The following SYNJ1 variants were observed in gnomAD, a reference collection of about 807,000 sequenced individuals.
The protein encoded by SYNJ1 is polyphosphatidylinositol phosphatase SYNJ1.
SYNJ1 carries 78 observed loss-of-function variants against 168.2 expected under a neutral mutation model. The ratio of observed to expected loss-of-function variants is 0.46; its 90% confidence interval spans 0.39 to 0.56. SYNJ1 has a LOEUF of 0.56. SYNJ1 is among the 20% of genes least tolerant of loss of function. SYNJ1 has a pLI of 0.00. For synonymous variants in SYNJ1, 539 were observed against 548.6 expected, an observed-to-expected ratio of 0.98 and a Z score of 0.24; for missense variants, 1,303 against 1,597.6, an observed-to-expected ratio of 0.82 and a Z score of 3.14.
rs745517821 is a variant in SYNJ1, at chr21:32,678,666, A to C, written c.1489T>G (p.Leu497Val). 3 of 1,608,754 alleles carry C rather than the reference A, an allele frequency of 1.9e-6. No individual in the cohort carries two copies. In the Middle Eastern group the frequency reaches 5.0e-4, roughly 266 times the overall value. ...ATACCACGCAAACTTCCAGTAGTTA[A>C]AAGTGCTCGAGCTTTGTCAGCTAAA... ...SDLADKARAL[L>V]TTGSLRVSEQ... Residue 497 changes from leucine to valine, a missense_variant, in exon 12 of 33, where the codon TTA (leucine) becomes GTA (valine). Physicochemically the swap from Leu to Val is conservative, Grantham distance 32. This residue lies in a region of SYNJ1 where 920 missense variants were observed against 1,208.8 expected (regional missense o/e 0.76). Coordinates refer to ENST00000674351, the MANE Select transcript of SYNJ1 (RefSeq NM_203446.3).
In SYNJ1 at chr21:32,657,083, A is replaced by C; in HGVS notation, c.2499T>G (p.Asp833Glu). 6.2e-7 allele frequency: 1 copy of C among 1,614,124 alleles called. No individual in the cohort carries two copies. Among genetic ancestry groups the C allele is most frequent in the Non-Finnish European group, 8.5e-7 (1 of 1,179,984 alleles). The change falls in exon 20 of 33, where the codon GAT becomes GAG. Residue 833 changes from aspartate (D) to glutamate (E), a missense_variant. By Grantham distance (45) the Asp-to-Glu change is conservative (BLOSUM62 2). Transcript: ENST00000674351. ...DLDLLNASFQ[D>E]ESKILYTWTP... is the part of the protein sequence containing the mutation. ...TCCACGTGTACAGAATTTTGCTTTC[A>C]TCTTGAAAACTAGCATTTAGAAGAT... is the stretch of plus-strand genomic sequence containing the variant.
At chr21:32,658,196 G>T (rs1458187913) in intron 18 of SYNJ1, among the ~76,000 whole-genome samples, 2 of 152,146 alleles carry the variant, frequency 1.3e-5, no homozygotes, top group Non-Finnish European at 2.9e-5. Flanking sequence ...TCGCTCGAAT[G>T]TTGCTTTTTC....
At chr21:32,655,810 G>A (rs1405062361) in intron 21 of SYNJ1, among the ~76,000 whole-genome samples, 1 of 152,170 alleles carries the variant, frequency 6.6e-6, no homozygotes, top group Non-Finnish European at 1.5e-5. Flanking sequence ...CAAAACTGCT[G>A]TATAGTTGGA....
At chr21:32,722,210 ATATATAT>A (rs1164729774) in intron 2 of SYNJ1, among the ~76,000 whole-genome samples, 1 of 79,686 alleles carries the variant, frequency 1.3e-5, no homozygotes, top group African/African-American at 6.7e-5. Flanking sequence ...AAAAAAATAT[ATATATAT>A]ATATATATAT....
At chr21:32,667,866 G>A (rs13051868) in intron 15 of SYNJ1, among the ~76,000 whole-genome samples, 2,710 of 151,940 alleles carry the variant, frequency 0.018, 44 homozygotes, top group Non-Finnish European at 0.025. Context: ...TTCACTGTCC[G>A]TTTCTTCCCA....
intron 13 of SYNJ1, 140 bp from the exon 14 acceptor site, chr21:32,673,671 C>A: frequency 1.6e-6 from 1 of 635,026 alleles, no homozygotes. Flanking sequence ...CAGGCACAGG[C>A]ACAAAAAAAG....
intron 2 of SYNJ1, among the ~76,000 whole-genome samples, chr21:32,711,192 C>T (rs945371326): frequency 4.6e-5 from 7 of 152,092 alleles, no homozygotes; most frequent in African/African-American, 1.2e-4. Context: ...AAAATAGAAA[C>T]GGTAGAGGTG....
At chr21:32,707,369 C>G (rs1037077034) in intron 2 of SYNJ1, among the ~76,000 whole-genome samples, 1 of 150,720 alleles carries the variant, frequency 6.6e-6, no homozygotes, top group African/African-American at 2.4e-5. Context: ...TCACTGTAAC[C>G]TCAAGCTCCT....
At chr21:32,721,388 A>G (rs1032914158) in intron 2 of SYNJ1, among the ~76,000 whole-genome samples, 1 of 152,236 alleles carries the variant, frequency 6.6e-6, no homozygotes, top group Non-Finnish European at 1.5e-5. Context: ...TTAAACAGGT[A>G]ATTTTGAAGG....
rs776337872 is a variant in SYNJ1, at chr21:32,638,976, G to A, written c.3847C>T (p.Pro1283Ser). The A allele has an allele frequency of 6.2e-7, 1 of 1,614,020 alleles. No homozygotes were observed. The highest frequency in any genetic ancestry group is 1.6e-4 in the Middle Eastern group (1 of 6,062). The change falls in exon 31 of 33, where the codon CCA becomes TCA. Residue 1283 changes from proline to serine, a missense_variant. Transcript: ENST00000674351. ...CTGCTTCGAGGTGGTGGTTGTGGTG[G>A]GGTTTCCAAATTTGGCTGGGGGCCA... is the stretch of plus-strand genomic sequence containing the variant. ...QSGPQPNLET[P>S]PQPPPRSRSS...
intron 18 of SYNJ1, among the ~76,000 whole-genome samples, chr21:32,661,717 C>A (rs1180588640): frequency 1.3e-5 from 2 of 152,106 alleles, no homozygotes; most frequent in Non-Finnish European, 2.9e-5. Context: ...AAAATGGATA[C>A]AGGCCCTTCC....
At chr21:32,637,406 C>CTTT (rs5843562) in intron 31 of SYNJ1, among the ~76,000 whole-genome samples, 13 of 100,296 alleles carry the variant, frequency 1.3e-4, no homozygotes, top group East Asian at 2.8e-4. Context: ...TTTCTTTTTT[C>CTTT]TTTTTTTTTT....
At chr21:32,711,727 A>C (rs2042837795) in intron 2 of SYNJ1, among the ~76,000 whole-genome samples, 2 of 152,200 alleles carry the variant, frequency 1.3e-5, no homozygotes, top group African/African-American at 4.8e-5. Context: ...GCAAATAATG[A>C]AGTATTAGGA....
At chr21:32,654,623 T>C (rs184807976) in intron 21 of SYNJ1, among the ~76,000 whole-genome samples, 1 of 152,338 alleles carries the variant, frequency 6.6e-6, no homozygotes, top group Admixed American at 6.5e-5. Flanking sequence ...TCTTTGTCCT[T>C]ATTCTCAATC....
chr21:32,692,023 C>T (rs2042043540), intron 6 of SYNJ1, among the ~76,000 whole-genome samples: 3 of 152,236 alleles, frequency 2.0e-5, no homozygotes, highest in Middle Eastern at 3.4e-3. Flanking sequence ...GAAGACCTGT[C>T]GGAGCTAGTA....
chr21:32,721,034 T>C (rs2043201225), intron 2 of SYNJ1, among the ~76,000 whole-genome samples: 1 of 152,194 alleles, frequency 6.6e-6, no homozygotes. Flanking sequence ...CAATGAATTG[T>C]ACACAAAGCT....
Position 32,631,145 on chromosome 21 carries a change from T to C in SYNJ1, c.*660A>G. ...ACACACAGAAGGAGACATTTGTACC[T>C]TTATTCCAGTCATCATTCAATGTCA... On this transcript the variant is annotated 3_prime_UTR_variant, in exon 33 of 33. Transcript: ENST00000674351. 1 of 1,614,232 alleles carries C rather than the reference T, an allele frequency of 6.2e-7. No individual in the cohort carries two copies. Among genetic ancestry groups the C allele is most frequent in the South Asian group, 1.1e-5 (1 of 91,084 alleles).
At chr21:32,690,276 T>G (rs754318850) in intron 6 of SYNJ1, among the ~76,000 whole-genome samples, 1 of 152,242 alleles carries the variant, frequency 6.6e-6, no homozygotes, top group Non-Finnish European at 1.5e-5. Flanking sequence ...GGTGCAACCA[T>G]AGCTCACTGC....
chr21:32,702,017 G>A lies in SYNJ1; in HGVS notation c.155C>T (p.Thr52Ile). 4 of 1,568,404 alleles carry A rather than the reference G, an allele frequency of 2.6e-6. No individual in the cohort carries two copies. The highest frequency in any genetic ancestry group is 3.5e-6 in the Non-Finnish European group (4 of 1,150,478). Residue 52 changes from threonine (T) to isoleucine (I), a missense_variant, in exon 3 of 33, where the codon ACA becomes ATA. Thr to Ile is a moderately conservative substitution (Grantham distance 89, BLOSUM62 -1). Around this residue, in one of 2 missense-constraint regions of SYNJ1, gnomAD observed 920 missense variants for 1,208.8 expected, o/e 0.76. Coordinates refer to ENST00000674351, the MANE Select transcript of SYNJ1 (RefSeq NM_203446.3). ...SSAEKEAIKG[T>I]YSKVLDAYGL... ...ATATGCATCCAGTACTTTGGAGTAT[G>A]TACCCTTGATTGCCTCTTTTTCTGC...
Sources: gnomAD v4.1 joint callset for allele counts (sites outside exome capture counted in the v4.1 genomes callset) on GRCh38, gnomAD v4.1.1 for gene constraint, gnomAD v4.1.1 regional missense constraint, MANE v1.5 for transcripts, NCBI Gene and HGNC (gene_info 2026-07-23, HGNC 2026-07-21) for gene names.